Variants in AIG1 observed in about 807,000 individuals in gnomAD.
AIG1 encodes androgen-induced gene 1 protein.
Under a neutral mutation model 31.4 loss-of-function variants are expected in AIG1, and 23 were observed. The ratio of observed to expected loss-of-function variants is 0.73; its 90% CI spans 0.53 to 1.04. The LOEUF is 1.04. AIG1 is among the 50% of genes least tolerant of loss of function. The pLI is 0.00. For missense variants in AIG1, 274 were observed against 295.0 expected (o/e 0.93, Z 0.52); for synonymous variants, 100 against 110.5 (o/e 0.90, Z 0.60).
intron 2 of AIG1, among the ~76,000 whole-genome samples, chr6:143,163,078 A>T (rs997242859): frequency 6.6e-6 from 1 of 152,164 alleles, no homozygotes; most frequent in South Asian, 2.1e-4. Context: ...GGGATCCTGC[A>T]TATTTAAAAG....
intron 1 of AIG1, among the ~76,000 whole-genome samples, chr6:143,134,531 T>C (rs1415631669): frequency 6.6e-6 from 1 of 152,008 alleles, no homozygotes. Flanking sequence ...TTCAACTTTT[T>C]TGAAGCAATG....
Position 143,293,454 on chromosome 6 carries a change from C to A in AIG1, c.515+9229C>A, listed in dbSNP as rs1798198143. Among the ~76,000 whole-genome samples the A allele has an allele frequency of 6.6e-6, 1 of 152,184 alleles. No individual in the cohort carries two copies. The highest frequency in any genetic ancestry group is 1.5e-5 in the Non-Finnish European group (1 of 68,036). Reference sequence around the variant, plus strand: ...TTTTACAAGCACTGTGCTGAGAATGCACTATTTTCTCATCTTCTAAGGAAA... The same window carrying A: ...TTTTACAAGCACTGTGCTGAGAATGAACTATTTTCTCATCTTCTAAGGAAA... On this transcript the variant is annotated intron_variant, in intron 4 of 5. Coordinates refer to ENST00000357847, the MANE Select transcript of AIG1 (RefSeq NM_016108.4). This position sits in a 1 kb window ranked among gnomAD's most constrained non-coding sequence, Gnocchi z 4.8.
chr6:143,296,927 T>C (rs995674737), intron 4 of AIG1, among the ~76,000 whole-genome samples: 6 of 152,198 alleles, frequency 3.9e-5, no homozygotes, highest in Admixed American at 3.9e-4. Context: ...ATTAACTCTC[T>C]CAAACAAGCA....
intron 1 of AIG1, among the ~76,000 whole-genome samples, chr6:143,076,966 C>T (rs965279998): frequency 1.8e-4 from 28 of 152,034 alleles, no homozygotes; most frequent in African/African-American, 5.8e-4. Flanking sequence ...CGACCGTGCC[C>T]GGCCTTGAAT....
At chr6:143,159,186 T>C (rs1195149454) in intron 2 of AIG1, among the ~76,000 whole-genome samples, 5 of 152,222 alleles carry the variant, frequency 3.3e-5, no homozygotes, top group Non-Finnish European at 7.3e-5. Context: ...GAAAATGCTA[T>C]GGCCCTGAAT....
At chr6:143,322,351 G>A (rs1163718762) in intron 4 of AIG1, among the ~76,000 whole-genome samples, 1 of 152,178 alleles carries the variant, frequency 6.6e-6, no homozygotes, top group Admixed American at 6.5e-5. Context: ...AATTTCAGAT[G>A]TTCTTCCTCC....
chr6:143,096,120 G>A (rs949881167), intron 1 of AIG1, among the ~76,000 whole-genome samples: 16 of 151,724 alleles, frequency 1.1e-4, no homozygotes, highest in Non-Finnish European at 1.5e-4. Context: ...ATTAGCCAGG[G>A]TGGTCTCGAT....
At chr6:143,234,158 G>A (rs982524263) in intron 3 of AIG1, among the ~76,000 whole-genome samples, 1 of 152,070 alleles carries the variant, frequency 6.6e-6, no homozygotes, top group South Asian at 2.1e-4. Flanking sequence ...TCGGCGGGGG[G>A]ACTATGTTGC....
At chr6:143,132,572 C>A (rs1483030548) in intron 1 of AIG1, among the ~76,000 whole-genome samples, 2 of 151,794 alleles carry the variant, frequency 1.3e-5, no homozygotes, top group African/African-American at 4.8e-5. Context: ...TGTGTGTACT[C>A]CACTGTTGAG....
intron 4 of AIG1, among the ~76,000 whole-genome samples, chr6:143,300,015 T>C (rs544797726): frequency 6.6e-6 from 1 of 152,292 alleles, no homozygotes; most frequent in African/African-American, 2.4e-5. Context: ...TAGAATCTTA[T>C]GGGCAAGCAC....
chr6:143,178,012 G>A (rs1006797657), intron 3 of AIG1, among the ~76,000 whole-genome samples: 2 of 152,210 alleles, frequency 1.3e-5, no homozygotes, highest in Non-Finnish European at 2.9e-5. Context: ...CAGTCCTATG[G>A]GAGGGGCGTC....
chr6:143,188,006 T>C (rs906723184), intron 3 of AIG1: 1 of 1,133,820 alleles, frequency 8.8e-7, no homozygotes, highest in Non-Finnish European at 1.1e-6. Context: ...TGGAGAACTT[T>C]GGCATACCAC....
intron 1 of AIG1, among the ~76,000 whole-genome samples, chr6:143,120,904 A>G (rs1047204834): frequency 6.6e-6 from 1 of 152,228 alleles, no homozygotes; most frequent in Non-Finnish European, 1.5e-5. Flanking sequence ...AATGAGGGCA[A>G]GGAACACCTG....
chr6:143,165,733 G>A (rs564919993), intron 3 of AIG1, among the ~76,000 whole-genome samples: 5 of 152,290 alleles, frequency 3.3e-5, no homozygotes, highest in Admixed American at 1.3e-4. Context: ...TAGGGTGTTC[G>A]CCTGTGGCTT....
At chr6:143,294,283 T>C (rs1390593427) in intron 4 of AIG1, among the ~76,000 whole-genome samples, 1 of 152,204 alleles carries the variant, frequency 6.6e-6, no homozygotes, top group Non-Finnish European at 1.5e-5. Context: ...GACCAGCCCC[T>C]GTACATCTAG....
At chr6:143,223,260 T>C (rs1200072355) in intron 3 of AIG1, among the ~76,000 whole-genome samples, 1 of 152,186 alleles carries the variant, frequency 6.6e-6, no homozygotes, top group Non-Finnish European at 1.5e-5. Context: ...ATCCCAGACC[T>C]ACAAAATCAG....
intron 3 of AIG1, among the ~76,000 whole-genome samples, chr6:143,185,368 C>T (rs1384320372): frequency 6.6e-6 from 1 of 152,132 alleles, no homozygotes; most frequent in Non-Finnish European, 1.5e-5. Flanking sequence ...AGGAGGTCCT[C>T]AGCATCCTCC....
Position 143,258,053 on chromosome 6 carries a change from T to C in AIG1, c.400-26057T>C, listed in dbSNP as rs564666824. Among the ~76,000 whole-genome samples, 1 of 152,340 alleles carries C rather than the reference T, an allele frequency of 6.6e-6. No individual in the cohort carries two copies. The highest frequency in any genetic ancestry group is 2.4e-5 in the African/African-American group (1 of 41,572). On this transcript the variant is annotated intron_variant, in intron 3 of 5. Coordinates refer to ENST00000357847, the MANE Select transcript of AIG1 (RefSeq NM_016108.4). The surrounding 1 kb of genome is among the most constrained non-coding windows in gnomAD (Gnocchi z 4.7). The stretch of plus-strand genomic sequence containing the variant: ...ACTAATAACTACTGAATGCCTGTTA[T>C]AAGCCAACCTGATGCCCAGAGTCCT...
intron 1 of AIG1, among the ~76,000 whole-genome samples, chr6:143,079,779 C>CTTTTTTTT (rs78637706): frequency 9.3e-6 from 1 of 106,970 alleles, no homozygotes; most frequent in Non-Finnish European, 1.9e-5. Flanking sequence ...GGATAGATTC[C>CTTTTTTTT]TTTTTTTTTT....
Sources: gnomAD v4.1 joint callset for allele counts (sites outside exome capture counted in the v4.1 genomes callset) on GRCh38, gnomAD v4.1.1 for gene constraint, Gnocchi (gnomAD v3.1) non-coding constraint, MANE v1.5 for transcripts, NCBI Gene and HGNC (gene_info 2026-07-23, HGNC 2026-07-21) for gene names.